The following SNTG1 variants were observed in gnomAD, a reference collection of about 807,000 sequenced individuals.
The protein encoded by SNTG1 is gamma-1-syntrophin.
SNTG1 carries 39 observed loss-of-function variants against 74.7 expected under a neutral mutation model. The ratio of observed to expected loss-of-function variants is 0.52; its 90% CI spans 0.40 to 0.68. SNTG1 has a LOEUF of 0.68. SNTG1 is among the 30% of genes least tolerant of loss of function. The probability of loss-of-function intolerance (pLI) is 0.00; values close to 1 mark genes in which losing one functional copy is unlikely to be tolerated. For missense variants in SNTG1, 685 were observed against 609.5 expected (o/e 1.12, Z -1.30); for synonymous variants, 254 against 217.1 (o/e 1.17, Z -1.49).
intron 1 of SNTG1, among the ~76,000 whole-genome samples, chr8:50,014,557 A>G: frequency 6.6e-6 from 1 of 152,186 alleles, no homozygotes; most frequent in Non-Finnish European, 1.5e-5. Context: ...GCCACCAGCT[A>G]CTCACTGACC....
chr8:49,928,251 A>T (rs1807224322), intron 1 of SNTG1, among the ~76,000 whole-genome samples: 2 of 151,368 alleles, frequency 1.3e-5, no homozygotes, highest in South Asian at 4.2e-4. Context: ...TTTTTGAGAC[A>T]GAGTCTAGCT....
At chr8:50,509,167 T>G in intron 9 of SNTG1, among the ~76,000 whole-genome samples, 1 of 152,216 alleles carries the variant, frequency 6.6e-6, no homozygotes, top group Non-Finnish European at 1.5e-5. Flanking sequence ...GCACCATTTA[T>G]TAAATAGGGA....
intron 10 of SNTG1, among the ~76,000 whole-genome samples, chr8:50,535,976 A>G (rs554543859): frequency 2.6e-5 from 4 of 152,296 alleles, no homozygotes; most frequent in African/African-American, 9.6e-5. Flanking sequence ...TGAAGGAAAC[A>G]TGAATCAAGT....
chr8:50,788,068 T>C (rs1585800102), intron 18 of SNTG1, among the ~76,000 whole-genome samples: 2 of 152,164 alleles, frequency 1.3e-5, no homozygotes, highest in South Asian at 4.1e-4. Flanking sequence ...AGGGAACATA[T>C]TCATTTACAC....
At chr8:49,912,973 C>T (rs895359211) in intron 1 of SNTG1, among the ~76,000 whole-genome samples, 4 of 152,138 alleles carry the variant, frequency 2.6e-5, no homozygotes, top group Non-Finnish European at 5.9e-5. Flanking sequence ...AGTAGGTTCC[C>T]GAAAAACCAT....
intron 2 of SNTG1, among the ~76,000 whole-genome samples, chr8:50,224,602 C>T (rs116443096): frequency 1.3e-5 from 2 of 152,148 alleles, no homozygotes; most frequent in African/African-American, 4.8e-5. Context: ...TAAGCACCCC[C>T]CAACCAACTG....
In SNTG1 at chr8:50,205,508, C is replaced by T. The variant is rs559030689; in HGVS notation, c.-28+32873C>T. Among the ~76,000 whole-genome samples the T allele has an allele frequency of 6.6e-5, 10 of 152,212 alleles. No homozygotes were observed. In the South Asian group the frequency reaches 2.1e-3, roughly 32 times the overall value. On this transcript the variant is annotated intron_variant, in intron 2 of 18. Transcript: ENST00000642720. ...GATGGGTAGATTGCAAAAATTTTCTCCCATTCTGTAGGGTGCCTGTTCACG... is the reference window on the plus strand; with the variant it reads ...GATGGGTAGATTGCAAAAATTTTCTTCCATTCTGTAGGGTGCCTGTTCACG...
intron 1 of SNTG1, among the ~76,000 whole-genome samples, chr8:50,164,652 C>T (rs1248797378): frequency 6.6e-6 from 1 of 152,142 alleles, no homozygotes; most frequent in Non-Finnish European, 1.5e-5. Context: ...TTCCCTGCTA[C>T]ATTCACAGAC....
chr8:50,342,783 A>C (rs1469682055), intron 2 of SNTG1, among the ~76,000 whole-genome samples: 1 of 152,162 alleles, frequency 6.6e-6, no homozygotes, highest in Non-Finnish European at 1.5e-5. Flanking sequence ...ATATAAATTT[A>C]TTTAATGCTT....
chr8:50,072,790 T>G (rs1821490223), intron 1 of SNTG1, among the ~76,000 whole-genome samples: 1 of 152,228 alleles, frequency 6.6e-6, no homozygotes, highest in Admixed American at 6.5e-5. Context: ...GTGAATATTG[T>G]AATAAAGTGA....
chr8:50,442,409 C>T (rs73583409), intron 5 of SNTG1, among the ~76,000 whole-genome samples: 4,221 of 151,944 alleles, frequency 0.028, 185 homozygotes, highest in African/African-American at 0.095. Flanking sequence ...ACAGCCATGC[C>T]TCCTTCCTCT....
chr8:50,213,265 A>T (rs1043583308), intron 2 of SNTG1, among the ~76,000 whole-genome samples: 5 of 152,200 alleles, frequency 3.3e-5, no homozygotes, highest in Non-Finnish European at 5.9e-5. Context: ...AGTATTCTGT[A>T]TAGGAATTTC....
intron 1 of SNTG1, among the ~76,000 whole-genome samples, chr8:50,144,849 A>G (rs903029491): frequency 2.6e-5 from 4 of 152,136 alleles, no homozygotes; most frequent in Admixed American, 2.6e-4. Flanking sequence ...CAATAGTTGT[A>G]TTTTTATTCT....
In SNTG1 at chr8:50,792,909, C is replaced by T. The variant is rs1585811738; in HGVS notation, c.*80C>T. 8 of 1,406,448 alleles carry T rather than the reference C, an allele frequency of 5.7e-6. No individual in the cohort carries two copies. The East Asian group carries it at 1.7e-4, about 30-fold the overall frequency. 87.1% of individuals were successfully genotyped at this position (1,406,448 alleles called of 1,614,324 possible). A position where few individuals can be genotyped will look rare whatever the true frequency, so the allele number is the denominator to read the frequency against. On this transcript the variant is annotated 3_prime_UTR_variant, in exon 19 of 19. Coordinates refer to ENST00000642720, the MANE Select transcript of SNTG1 (RefSeq NM_018967.5). ...CTCATCATTTTAGACCCTAGAGAAA[C>T]CATAACATCACCAAGTCGACAGTGG...
At chr8:50,332,381 C>T (rs536202364) in intron 2 of SNTG1, among the ~76,000 whole-genome samples, 30 of 151,950 alleles carry the variant, frequency 2.0e-4, no homozygotes, top group African/African-American at 7.0e-4. Flanking sequence ...CGTGTACATC[C>T]ATGGCCCCCA....
In SNTG1 at chr8:50,792,883, A is replaced by G; in HGVS notation, c.*54A>G. 6.6e-7 allele frequency: 1 copy of G among 1,513,694 alleles called. No homozygotes were observed. Among genetic ancestry groups the G allele is most frequent in the African/African-American group, 1.4e-5 (1 of 71,898 alleles). 93.8% of individuals were successfully genotyped at this position (1,513,694 alleles called of 1,614,324 possible). A position where few individuals can be genotyped will look rare whatever the true frequency, so the allele number is the denominator to read the frequency against. On this transcript the variant is annotated 3_prime_UTR_variant, in exon 19 of 19. Coordinates refer to ENST00000642720, the MANE Select transcript of SNTG1 (RefSeq NM_018967.5). The stretch of plus-strand genomic sequence containing the variant: ...ATGACTGTATAAGCAGGACACATTT[A>G]CTCATCATTTTAGACCCTAGAGAAA...
intron 17 of SNTG1, among the ~76,000 whole-genome samples, chr8:50,734,137 A>T (rs2095519703): frequency 6.6e-6 from 1 of 151,818 alleles, no homozygotes; most frequent in Non-Finnish European, 1.5e-5. Context: ...GGGATACTAT[A>T]TAAAATATAT....
chr8:50,215,159 C>T (rs2084719037), intron 2 of SNTG1, among the ~76,000 whole-genome samples: 1 of 152,088 alleles, frequency 6.6e-6, no homozygotes, highest in African/African-American at 2.4e-5. Flanking sequence ...GGAACCACTC[C>T]TTTAATTACA....
Position 49,994,645 on chromosome 8 carries a change from T to A in SNTG1, c.-103+82414T>A, listed in dbSNP as rs1309045167. On this transcript the variant is annotated intron_variant, in intron 1 of 18. Transcript: ENST00000642720. ...AACCCAAGAAATACGGATTCATGGC[T>A]AAAAAAAACTGTTAAATATTATGTA... is the stretch of plus-strand genomic sequence containing the variant. Among the ~76,000 whole-genome samples, 3 of 151,658 alleles carry A rather than the reference T, an allele frequency of 2.0e-5. No individual in the cohort carries two copies. The East Asian group carries it at 5.8e-4, about 29-fold the overall frequency.
Sources: gnomAD v4.1 joint callset for allele counts (sites outside exome capture counted in the v4.1 genomes callset) on GRCh38, gnomAD v4.1.1 for gene constraint, MANE v1.5 for transcripts, NCBI Gene and HGNC (gene_info 2026-07-23, HGNC 2026-07-21) for gene names.